Variants in WDR7 observed in about 807,000 individuals in gnomAD.
WDR7 encodes the protein WD repeat-containing protein 7.
In WDR7, 46 loss-of-function variants were observed where a neutral mutation model predicts 169.4. The observed-to-expected ratio is 0.27, with a 90% confidence interval of 0.21 to 0.35. WDR7 has a LOEUF of 0.35. Among genes scored for constraint, WDR7 ranks in the 10% least tolerant of loss-of-function variants. The pLI, the probability that WDR7 is intolerant of heterozygous loss-of-function variation, is 1.00. For synonymous variants in WDR7, 612 were observed against 666.8 expected (o/e 0.92, Z 1.27); for missense variants, 1,534 against 1,859.3 (o/e 0.83, Z 3.22).
chr18:56,877,764 G>A (rs1328589861), intron 20 of WDR7, among the ~76,000 whole-genome samples: 4 of 152,090 alleles, frequency 2.6e-5, no homozygotes, highest in Non-Finnish European at 5.9e-5. Context: ...AGGTAACATT[G>A]ATATAATTAT....
chr18:56,697,942 C>T (rs1358866861), intron 12 of WDR7, among the ~76,000 whole-genome samples: 1 of 151,896 alleles, frequency 6.6e-6, no homozygotes, highest in Non-Finnish European at 1.5e-5. Flanking sequence ...GCCTGTAATC[C>T]CAGCACTTTG....
chr18:56,867,164 G>A (rs2045893944), intron 20 of WDR7, among the ~76,000 whole-genome samples: 1 of 151,952 alleles, frequency 6.6e-6, no homozygotes, highest in South Asian at 2.1e-4. Flanking sequence ...AGCTGAGACT[G>A]CAGGCACTCA....
intron 26 of WDR7, among the ~76,000 whole-genome samples, chr18:57,014,883 AAG>A (rs2048185986): frequency 6.6e-6 from 1 of 152,096 alleles, no homozygotes; most frequent in South Asian, 2.1e-4. Flanking sequence ...AATTAAGTAA[AAG>A]AGGGGGCAGG....
At chr18:56,950,385 C>CA (rs2047165000) in intron 25 of WDR7, among the ~76,000 whole-genome samples, 1 of 152,252 alleles carries the variant, frequency 6.6e-6, no homozygotes, top group African/African-American at 2.4e-5. Context: ...GTTAAAGTGC[C>CA]AGCAGTTTTA....
intron 26 of WDR7, 62 bp downstream of exon 26, chr18:56,962,591 A>C: frequency 1.4e-6 from 2 of 1,481,110 alleles, no homozygotes; most frequent in Non-Finnish European, 1.9e-6. Context: ...GGAGAGAGAG[A>C]CTAGCACTTC....
chr18:56,900,659 A>G (rs2046390036), intron 21 of WDR7, among the ~76,000 whole-genome samples: 2 of 152,280 alleles, frequency 1.3e-5, no homozygotes, highest in African/African-American at 4.8e-5. Flanking sequence ...TCCTAGGGGA[A>G]CATCGGGCTT....
intron 20 of WDR7, among the ~76,000 whole-genome samples, chr18:56,878,612 G>A (rs1482383775): frequency 6.6e-6 from 1 of 152,040 alleles, no homozygotes; most frequent in Non-Finnish European, 1.5e-5. Flanking sequence ...TTAAAATGTG[G>A]AATTCAGTGA....
intron 26 of WDR7, among the ~76,000 whole-genome samples, chr18:56,998,168 A>G (rs960033245): frequency 6.6e-6 from 1 of 152,164 alleles, no homozygotes; most frequent in Non-Finnish European, 1.5e-5. Context: ...AAAAGCCCCA[A>G]GGTATAAGCA....
At chr18:56,680,561 A>G (rs62101683) in intron 3 of WDR7, among the ~76,000 whole-genome samples, 3 of 152,260 alleles carry the variant, frequency 2.0e-5, no homozygotes, top group African/African-American at 4.8e-5. Context: ...AGAAAATGGT[A>G]TCTTAAAGAA....
rs565383991 is a variant in WDR7 at position 56,702,167 on chromosome 18, A to G, written c.1578+5705A>G. The stretch of plus-strand genomic sequence containing the variant: ...GTGCTGCGGCAGGAAACTTCCTCCA[A>G]CGCTCCATCATTAGAATTATGTAGT... On this transcript the variant is annotated intron_variant, in intron 12 of 27. Transcript: ENST00000254442. Among the ~76,000 whole-genome samples the G allele has an allele frequency of 6.6e-4, 100 of 152,296 alleles. 1 individual carries two copies. Among genetic ancestry groups the G allele is most frequent in the East Asian group, 1.4e-3 (7 of 5,176 alleles).
intron 13 of WDR7, among the ~76,000 whole-genome samples, chr18:56,718,827 CTTTT>C (rs1420059653): frequency 6.6e-6 from 1 of 152,120 alleles, no homozygotes; most frequent in East Asian, 1.9e-4. Context: ...TAAAGTCTTT[CTTTT>C]AATTCCTAGT....
intron 21 of WDR7, among the ~76,000 whole-genome samples, chr18:56,894,239 C>T (rs912631613): frequency 6.6e-6 from 1 of 151,994 alleles, no homozygotes; most frequent in Admixed American, 6.6e-5. Flanking sequence ...GCATAGCAGT[C>T]GTGGTAGTGA....
intron 19 of WDR7, among the ~76,000 whole-genome samples, chr18:56,784,625 T>C (rs2044367683): frequency 6.6e-6 from 1 of 152,228 alleles, no homozygotes; most frequent in African/African-American, 2.4e-5. Context: ...TTAACTAATA[T>C]TGCTTTCAGA....
chr18:56,967,328 C>T (rs554622634), intron 26 of WDR7, among the ~76,000 whole-genome samples: 1 of 152,018 alleles, frequency 6.6e-6, no homozygotes, highest in African/African-American at 2.4e-5. Context: ...TAAGGTCCTG[C>T]TGTGCTGCTG....
At chr18:56,679,459 C>T (rs751598429) in intron 3 of WDR7, 21 bp downstream of exon 3, 26 of 1,568,594 alleles carry the variant, frequency 1.7e-5, no homozygotes, top group East Asian at 4.5e-5. Flanking sequence ...TCTCATTTGC[C>T]TCTTTTTCTC....
chr18:56,950,375 G>T (rs1386558771), intron 25 of WDR7, among the ~76,000 whole-genome samples: 2 of 152,166 alleles, frequency 1.3e-5, no homozygotes, highest in East Asian at 3.9e-4. Context: ...CTTGATTCGG[G>T]TTAAAGTGCC....
At chr18:56,933,220 T>A (rs1294777857) in intron 22 of WDR7, among the ~76,000 whole-genome samples, 2 of 152,132 alleles carry the variant, frequency 1.3e-5, no homozygotes, top group Non-Finnish European at 2.9e-5. Context: ...ACACCTTCCC[T>A]ATTATTGTAT....
chr18:56,942,455 C>G (rs994572791), intron 25 of WDR7, among the ~76,000 whole-genome samples: 1 of 152,010 alleles, frequency 6.6e-6, no homozygotes, highest in African/African-American at 2.4e-5. Flanking sequence ...GCAGCTGTGC[C>G]TACAAATAAA....
At chr18:56,938,861 ATTAAC>A (rs1356018608) in intron 24 of WDR7, among the ~76,000 whole-genome samples, 179 bp downstream of exon 24, 6 of 150,654 alleles carry the variant, frequency 4.0e-5, no homozygotes, top group African/African-American at 1.5e-4. Context: ...GATAACTAAA[ATTAAC>A]TTTTGTGCCA....
Sources: gnomAD v4.1 joint callset for allele counts (sites outside exome capture counted in the v4.1 genomes callset) on GRCh38, gnomAD v4.1.1 for gene constraint, MANE v1.5 for transcripts, NCBI Gene and HGNC (gene_info 2026-07-23, HGNC 2026-07-21) for gene names.